Variants in TRAP1 observed in about 807,000 individuals in gnomAD.
The protein encoded by TRAP1 is heat shock protein 75 kDa, mitochondrial.
TRAP1 carries 102 observed loss-of-function variants against 89.1 expected under a neutral mutation model. The ratio of observed to expected loss-of-function variants is 1.15; its 90% CI spans 0.98 to 1.35. TRAP1 has a LOEUF of 1.35. Among genes scored for constraint, TRAP1 ranks in the 40% most tolerant of loss-of-function variants. The pLI is 0.00. For missense variants in TRAP1, 1,256 were observed against 945.3 expected (o/e 1.33, Z -4.31); for synonymous variants, 508 against 388.0 (o/e 1.31, Z -3.64).
In TRAP1 at chr16:3,715,205, G is replaced by A. The variant is rs555928851; in HGVS notation, c.88+2216C>T. ...TGTAATCCCAGCACTTTGGGAGGCC[G>A]AAGTGGGCGGATCACGAGGTCAGGA... On this transcript the variant is annotated intron_variant, in intron 1 of 17. Coordinates refer to ENST00000246957, the MANE Select transcript of TRAP1 (RefSeq NM_016292.3). Among the ~76,000 whole-genome samples, 14 of 152,292 alleles carry A rather than the reference G, an allele frequency of 9.2e-5. 1 individual carries two copies. The South Asian group carries it at 1.0e-3, about 11-fold the overall frequency.
intron 9 of TRAP1, 60 bp downstream of exon 9, chr16:3,674,279 T>C: frequency 6.3e-7 from 1 of 1,585,820 alleles, no homozygotes; most frequent in Non-Finnish European, 8.6e-7. Context: ...TCTGCAGAGC[T>C]GATGCCACAG....
chr16:3,684,751 C>T (rs2051116354), intron 4 of TRAP1, among the ~76,000 whole-genome samples: 1 of 152,140 alleles, frequency 6.6e-6, no homozygotes, highest in African/African-American at 2.4e-5. Flanking sequence ...GATCACACTA[C>T]TGCACTCCAG....
chr16:3,674,847 C>A, intron 8 of TRAP1: 1 of 353,740 alleles, frequency 2.8e-6, no homozygotes, highest in Non-Finnish European at 5.3e-6. Flanking sequence ...AGCTGAGCCG[C>A]GAGGGGGAAG....
At chr16:3,665,841 G>T in intron 12 of TRAP1, 130 bp downstream of exon 12, 1 of 1,199,996 alleles carries the variant, frequency 8.3e-7, no homozygotes, top group Non-Finnish European at 1.1e-6. Flanking sequence ...CCTGACCCTG[G>T]TGGCAGCAGC....
At chr16:3,658,935 G>A in intron 16 of TRAP1, 70 bp from the exon 17 acceptor site, 2 of 1,502,534 alleles carry the variant, frequency 1.3e-6, no homozygotes. Context: ...CATGTTTTGG[G>A]ATTATCAGGA....
intron 1 of TRAP1, among the ~76,000 whole-genome samples, chr16:3,703,960 A>G (rs534926576): frequency 7.0e-4 from 105 of 149,536 alleles, no homozygotes; most frequent in Admixed American, 1.3e-3. Flanking sequence ...GCGTGCAGTG[A>G]GCCGAGATCG....
chr16:3,688,107 T>A (rs578248630), intron 3 of TRAP1, among the ~76,000 whole-genome samples: 1 of 152,162 alleles, frequency 6.6e-6, no homozygotes. Context: ...ATAATCAGCA[T>A]GTCAACGATG....
rs865928239 is a variant in TRAP1, at chr16:3,690,891, C to T, written c.183G>A (p.Thr61=). 7 of 1,589,330 alleles carry T rather than the reference C, an allele frequency of 4.4e-6. No individual in the cohort carries two copies. Among genetic ancestry groups the T allele is most frequent in the African/African-American group, 4.1e-5 (3 of 73,568 alleles). The change falls in exon 2 of 18, where the codon ACG becomes ACA. Residue 61 remains threonine (T), a synonymous_variant. Coordinates refer to ENST00000246957, the MANE Select transcript of TRAP1 (RefSeq NM_016292.3). The stretch of plus-strand genomic sequence containing the variant: ...GTTCCTCCTTGTCCTCGGCGGTCTG[C>T]GTGCTGAACAGTCGTCCTGCCTGCA... ...WSLQAGRLFS[T]QTAEDKEEPL...
At chr16:3,664,567 G>GTCA in intron 12 of TRAP1, 108 bp from the exon 13 acceptor site, 1 of 1,267,378 alleles carries the variant, frequency 7.9e-7, no homozygotes, top group South Asian at 1.4e-5. Flanking sequence ...GGCACTCCAG[G>GTCA]CTGGCCCTGA....
At chr16:3,682,067 A>C (rs540203631) in intron 4 of TRAP1, among the ~76,000 whole-genome samples, 6 of 152,298 alleles carry the variant, frequency 3.9e-5, no homozygotes, top group Non-Finnish European at 8.8e-5. Flanking sequence ...AGAGTGTATT[A>C]CTTGATTTTT....
At chr16:3,671,194 T>C (rs1596708099) in intron 11 of TRAP1, among the ~76,000 whole-genome samples, 1 of 152,130 alleles carries the variant, frequency 6.6e-6, no homozygotes, top group East Asian at 1.9e-4. Flanking sequence ...TGGCTGCCAA[T>C]CTACCCCACC....
At chr16:3,717,393 G>T in intron 1 of TRAP1, 28 bp downstream of exon 1, 2 of 1,003,788 alleles carry the variant, frequency 2.0e-6, no homozygotes, top group Non-Finnish European at 2.6e-6. Flanking sequence ...CGGCCCGCCC[G>T]CTGCCCGTCC....
rs918647654 is a variant in TRAP1, at chr16:3,662,237, G to A, written c.1795-105C>T. 35 of 1,397,766 alleles carry A rather than the reference G, an allele frequency of 2.5e-5. 1 individual carries two copies. The highest frequency in any genetic ancestry group is 1.1e-4 in the African/African-American group (8 of 69,890). 86.6% of individuals were successfully genotyped at this position (1,397,766 alleles called of 1,614,324 possible). A position where few individuals can be genotyped will look rare whatever the true frequency, so the allele number is the denominator to read the frequency against. ...TCACCCAGACCACGAGGTAGCAGGC[G>A]GGGTCTCAAGGACTCCCCTGGACCA... On this transcript the variant is annotated intron_variant, in intron 15 of 17. Transcript: ENST00000246957.
chr16:3,696,105 G>A (rs1356523183), intron 1 of TRAP1, among the ~76,000 whole-genome samples: 3 of 152,204 alleles, frequency 2.0e-5, no homozygotes, highest in Non-Finnish European at 2.9e-5. Context: ...AGCTGTTCCA[G>A]TTTCAGCACT....
intron 1 of TRAP1, among the ~76,000 whole-genome samples, chr16:3,711,901 C>T (rs892887218): frequency 6.6e-6 from 1 of 152,160 alleles, no homozygotes; most frequent in African/African-American, 2.4e-5. Flanking sequence ...ACTTGAGGCA[C>T]CAAAAACGCC....
rs777340650 is a variant in TRAP1, at chr16:3,658,249, A to C, written c.2014-19T>G. On this transcript the variant is annotated intron_variant, in intron 17 of 17. Coordinates refer to ENST00000246957, the MANE Select transcript of TRAP1 (RefSeq NM_016292.3). ...CGTATATCTGAAAGGCAAGAGGAGA[A>C]ACCCATTATGAGGGGCATGGGGCAC... 34 of 1,602,198 alleles carry C rather than the reference A, an allele frequency of 2.1e-5. 1 individual carries two copies. The highest frequency in any genetic ancestry group is 2.9e-5 in the Non-Finnish European group (34 of 1,170,862).
chr16:3,697,789 ATT>A (rs796150055), intron 1 of TRAP1, among the ~76,000 whole-genome samples: 2 of 144,290 alleles, frequency 1.4e-5, no homozygotes, highest in African/African-American at 2.5e-5. Flanking sequence ...AATATGCAGA[ATT>A]TTTTTTTTTT....
chr16:3,666,998 C>T (rs1451579981), intron 11 of TRAP1, among the ~76,000 whole-genome samples: 1 of 152,142 alleles, frequency 6.6e-6, no homozygotes, highest in African/African-American at 2.4e-5. Context: ...CATTTAGAGC[C>T]TTTCCTCCCA....
At chr16:3,666,216 A>G in intron 11 of TRAP1, 98 bp from the exon 12 acceptor site, 1 of 1,432,056 alleles carries the variant, frequency 7.0e-7, no homozygotes, top group Non-Finnish European at 9.4e-7. Context: ...TAAGAATCAA[A>G]GAAGTGAAAA....
Sources: gnomAD v4.1 joint callset for allele counts (sites outside exome capture counted in the v4.1 genomes callset) on GRCh38, gnomAD v4.1.1 for gene constraint, MANE v1.5 for transcripts, NCBI Gene and HGNC (gene_info 2026-07-23, HGNC 2026-07-21) for gene names.